DCAF10: variants seen among roughly 807,000 people sequenced by gnomAD.
The protein encoded by DCAF10 is DDB1- and CUL4-associated factor 10.
In DCAF10, 19 loss-of-function variants were observed where a neutral mutation model predicts 51.9. The observed-to-expected ratio is 0.37, with a 90% CI of 0.26 to 0.54. The LOEUF (loss-of-function observed/expected upper bound fraction) is 0.54, where lower values mean the gene tolerates loss of function less well. Ranked by LOEUF, DCAF10 falls within the 20% of genes least tolerant of loss-of-function variation. DCAF10 has a pLI of 0.87. For synonymous variants in DCAF10, 291 were observed against 297.1 expected (o/e 0.98, Z 0.21); for missense variants, 510 against 730.6 (o/e 0.70, Z 3.48).
intron 1 of DCAF10, among the ~76,000 whole-genome samples, chr9:37,817,698 T>G (rs1302132007): frequency 6.6e-6 from 1 of 151,904 alleles, no homozygotes; most frequent in Non-Finnish European, 1.5e-5. Flanking sequence ...GCCAGGAATT[T>G]GAGACCAGCT....
In DCAF10 at chr9:37,801,802, C is replaced by T. The variant is rs1828958660; in HGVS notation, c.539+397C>T. Among the ~76,000 whole-genome samples the T allele has an allele frequency of 1.3e-5, 2 of 152,136 alleles. No individual in the cohort carries two copies. The highest frequency in any genetic ancestry group is 6.6e-5 in the Admixed American group (1 of 15,266). ...CGCGTTTTCCTACCTAAACCTGTGT[C>T]GGGGTAGGAAAGCTGTAGATTCCTT... On this transcript the variant is annotated intron_variant, in intron 1 of 6. Transcript: ENST00000377724. This position sits in a 1 kb window ranked among gnomAD's most constrained non-coding sequence, Gnocchi z 5.5.
intron 3 of DCAF10, among the ~76,000 whole-genome samples, chr9:37,846,431 A>C (rs1830474082): frequency 6.6e-6 from 1 of 152,218 alleles, no homozygotes; most frequent in Admixed American, 6.5e-5. Flanking sequence ...GGAGTCACAA[A>C]TTACTGAAAT....
rs774883992 is a variant in DCAF10, at chr9:37,861,189, C to T, written c.1361C>T (p.Ser454Leu). The change falls in exon 7 of 7, where the codon TCA (serine) becomes TTA (leucine). Residue 454 changes from serine to leucine, a missense_variant. Around this residue, in one of 4 missense-constraint regions of DCAF10, gnomAD observed 104 missense variants for 206.2 expected, o/e 0.50. Coordinates refer to ENST00000377724, the MANE Select transcript of DCAF10 (RefSeq NM_024345.5). This position sits in a 1 kb window ranked among gnomAD's most constrained non-coding sequence, Gnocchi z 4.9. ...GAAGGAGCTCCAGTGCGACCTGTCT[C>T]ACCTCGCTGTTCTCTACGACTGACT... Reference protein sequence around the residue: ...FQEGAPVRPVSPRCSLRLTHY... With the variant: ...FQEGAPVRPVLPRCSLRLTHY... 3 of 1,609,336 alleles carry T rather than the reference C, an allele frequency of 1.9e-6. No individual in the cohort carries two copies. Among genetic ancestry groups the T allele is most frequent in the South Asian group, 2.2e-5 (2 of 91,038 alleles).
intron 2 of DCAF10, among the ~76,000 whole-genome samples, chr9:37,820,664 G>C (rs1265579223): frequency 6.6e-6 from 1 of 152,070 alleles, no homozygotes; most frequent in African/African-American, 2.4e-5. Context: ...TCATTATAAG[G>C]CCTAGTTGTG....
intron 2 of DCAF10, among the ~76,000 whole-genome samples, chr9:37,835,039 G>A (rs1830115033): frequency 6.6e-6 from 1 of 152,106 alleles, no homozygotes; most frequent in African/African-American, 2.4e-5. Context: ...GCTGGCCTCG[G>A]CCTCCCATAG....
chr9:37,844,794 GAC>G (rs1403328850), intron 3 of DCAF10, among the ~76,000 whole-genome samples: 1 of 152,130 alleles, frequency 6.6e-6, no homozygotes, highest in African/African-American at 2.4e-5. Flanking sequence ...CAGCCTGGGT[GAC>G]AGAGTGAGAT....
chr9:37,830,135 T>C (rs1021804840), intron 2 of DCAF10, among the ~76,000 whole-genome samples: 8 of 152,178 alleles, frequency 5.3e-5, no homozygotes, highest in Admixed American at 2.0e-4. Flanking sequence ...GAAATATTAA[T>C]AGATAAATAA....
At chr9:37,835,532 C>T (rs1324611101) in intron 2 of DCAF10, among the ~76,000 whole-genome samples, 5 of 151,754 alleles carry the variant, frequency 3.3e-5, no homozygotes, top group Non-Finnish European at 5.9e-5. Flanking sequence ...GAGCCGAGAT[C>T]GCGCCACTGC....
chr9:37,836,139 G>T, intron 2 of DCAF10: 1 of 1,362,142 alleles, frequency 7.3e-7, no homozygotes, highest in South Asian at 1.2e-5. Context: ...AAGGAAAATA[G>T]AGCGATTTAC....
chr9:37,822,404 GATATATATATATATATATATATAT>G (rs59549239), intron 2 of DCAF10, among the ~76,000 whole-genome samples: 22 of 124,570 alleles, frequency 1.8e-4, no homozygotes, highest in African/African-American at 5.2e-4. Flanking sequence ...AAGAAACTGT[GATATATATATATATATATATATAT>G]ATATATATAT....
At position 37,855,389 on chromosome 9, in the gene DCAF10, G is replaced by A. The variant is rs186887280; in HGVS notation, c.1054+407G>A. Among the ~76,000 whole-genome samples the A allele has an allele frequency of 1.6e-3, 244 of 152,242 alleles. 1 individual carries two copies. The highest frequency in any genetic ancestry group is 5.2e-3 in the African/African-American group (215 of 41,552). On this transcript the variant is annotated intron_variant, in intron 4 of 6. Transcript: ENST00000377724. ...TCAATATAGAGTTTTAGTTTTATCT[G>A]TATCCTAGACTTACAGATGTCCAGA...
At chr9:37,841,550 T>C (rs1335126035) in intron 2 of DCAF10, among the ~76,000 whole-genome samples, 2 of 152,220 alleles carry the variant, frequency 1.3e-5, no homozygotes, top group Non-Finnish European at 2.9e-5. Context: ...TGCTAAGAGA[T>C]TATTTGGGAA....
chr9:37,801,467 G>T lies in DCAF10; in HGVS notation c.539+62G>T. On this transcript the variant is annotated intron_variant, in intron 1 of 6. Transcript: ENST00000377724. This position sits in a 1 kb window ranked among gnomAD's most constrained non-coding sequence, Gnocchi z 5.5. ...CGCCCGGCTCTGCTGCCAGCGGACG[G>T]CCGTCCTGGGCTCGCTCCCCGCGCC... is the stretch of plus-strand genomic sequence containing the variant. 7.4e-7 allele frequency: 1 copy of T among 1,353,914 alleles called. No individual in the cohort carries two copies. The highest frequency in any genetic ancestry group is 9.5e-7 in the Non-Finnish European group (1 of 1,052,482). The allele number at this position is 1,353,914 out of a possible 1,614,324, so 83.9% of individuals were successfully genotyped here. A position where few individuals can be genotyped will look rare whatever the true frequency, so the allele number is the denominator to read the frequency against.
chr9:37,800,698 C>T (rs1264495169), upstream of DCAF10: 1 of 1,535,920 alleles, frequency 6.5e-7, no homozygotes, highest in Non-Finnish European at 8.7e-7. Flanking sequence ...GCCCCAAACC[C>T]GGCGGTGTCT....
At chr9:37,859,614 G>A (rs1176274092) in intron 5 of DCAF10, among the ~76,000 whole-genome samples, 3 of 152,126 alleles carry the variant, frequency 2.0e-5, no homozygotes, top group African/African-American at 7.2e-5. Flanking sequence ...AATCCTCATG[G>A]CTTCCAAGTA....
intron 2 of DCAF10, chr9:37,836,142 C>T: frequency 1.5e-6 from 2 of 1,364,406 alleles, no homozygotes; most frequent in Non-Finnish European, 2.1e-6. Context: ...GAAAATAGAG[C>T]GATTTACTCT....
At chr9:37,835,302 G>C (rs1830124840) in intron 2 of DCAF10, among the ~76,000 whole-genome samples, 1 of 152,054 alleles carries the variant, frequency 6.6e-6, no homozygotes, top group African/African-American at 2.4e-5. Context: ...GCTGGGGCCG[G>C]GTGTGGTGGC....
chr9:37,844,983 C>T (rs1830437551), intron 3 of DCAF10, among the ~76,000 whole-genome samples: 1 of 152,222 alleles, frequency 6.6e-6, no homozygotes, highest in African/African-American at 2.4e-5. Flanking sequence ...TGAGCATGTA[C>T]TGAACTACAA....
chr9:37,810,600 T>C (rs1246684857), intron 1 of DCAF10, among the ~76,000 whole-genome samples: 2 of 152,154 alleles, frequency 1.3e-5, no homozygotes, highest in Non-Finnish European at 2.9e-5. Context: ...TAGCTAGGAT[T>C]ATAGGCGCCT....
Sources: allele counts gnomAD v4.1 joint callset (sites outside exome capture counted in the v4.1 genomes callset), GRCh38; gene constraint gnomAD v4.1.1; regional missense constraint gnomAD v4.1.1; non-coding constraint Gnocchi (gnomAD v3.1); transcripts MANE v1.5; gene names NCBI Gene and HGNC (gene_info 2026-07-23, HGNC 2026-07-21).